Variants in HSPA14 observed in about 807,000 individuals in gnomAD.
HSPA14 encodes the protein heat shock 70 kDa protein 14.
HSPA14 carries 37 observed loss-of-function variants against 65.5 expected under a neutral mutation model. The ratio of observed to expected loss-of-function variants is 0.56; its 90% confidence interval spans 0.43 to 0.74. HSPA14 has a LOEUF of 0.74. Ranked by LOEUF, HSPA14 falls within the 30% of genes least tolerant of loss-of-function variation. The probability of loss-of-function intolerance (pLI) is 0.00; values close to 1 mark genes in which losing one functional copy is unlikely to be tolerated. For missense variants in HSPA14, 564 were observed against 607.6 expected, an observed-to-expected ratio of 0.93 and a Z score of 0.75; for synonymous variants, 203 against 214.2, an observed-to-expected ratio of 0.95 and a Z score of 0.46.
At chr10:14,862,271 G>A (rs1244445253) in intron 10 of HSPA14, among the ~76,000 whole-genome samples, 3 of 151,336 alleles carry the variant, frequency 2.0e-5, no homozygotes, top group East Asian at 2.0e-4. Context: ...CTCGTGATCC[G>A]CCTGCCTCGG....
intron 1 of HSPA14, 50 bp downstream of exon 1, chr10:14,838,509 T>C: frequency 6.5e-7 from 1 of 1,528,100 alleles, no homozygotes. Context: ...CACCCGGTTT[T>C]CTGGCGCTGG....
chr10:14,848,563 A>G, intron 3 of HSPA14, 46 bp from the exon 4 acceptor site: 1 of 1,403,812 alleles, frequency 7.1e-7, no homozygotes, highest in Non-Finnish European at 1.0e-6. Context: ...TATATCTACA[A>G]TACTGATTTT....
At chr10:14,850,933 A>T in intron 6 of HSPA14, 4 of 205,200 alleles carry the variant, frequency 1.9e-5, no homozygotes, top group South Asian at 1.3e-4. Context: ...TTTTTTTTTT[A>T]AACATGGATA....
chr10:14,867,844 G>T lies in HSPA14; in HGVS notation c.1315G>T (p.Val439Leu). ...GCAAGCCCCTGGAAGCATATCTTCA[G>T]TGTGCCTTGAACTCTATGAGTCTGA... ...TLQAPGSISSVCLELYESDGK... is the reference protein window; with the variant it reads ...TLQAPGSISSLCLELYESDGK... Residue 439 changes from valine (V) to leucine (L), a missense_variant, in exon 12 of 14, where the codon GTG becomes TTG. By Grantham distance (32) the Val-to-Leu change is conservative. Coordinates refer to ENST00000378372, the MANE Select transcript of HSPA14 (RefSeq NM_016299.4). The T allele has an allele frequency of 6.2e-7, 1 of 1,614,162 alleles. No homozygotes were observed. Among genetic ancestry groups the T allele is most frequent in the Non-Finnish European group, 8.5e-7 (1 of 1,180,010 alleles).
chr10:14,852,695 A>C (rs1176022163), intron 8 of HSPA14, among the ~76,000 whole-genome samples, 164 bp downstream of exon 8: 2 of 152,198 alleles, frequency 1.3e-5, no homozygotes, highest in African/African-American at 4.8e-5. Context: ...TGTCCTGTCC[A>C]GGCAATTCAA....
At chr10:14,855,755 A>T in intron 9 of HSPA14, 86 bp from the exon 10 acceptor site, 2 of 663,724 alleles carry the variant, frequency 3.0e-6, no homozygotes, top group Non-Finnish European at 5.3e-6. Context: ...AAGAAAAGTG[A>T]TATTTGTTTG....
intron 13 of HSPA14, 115 bp downstream of exon 13, chr10:14,870,782 A>ATTGCTGCAGAAAATCTGTAAGAAAAAAAT: frequency 9.7e-7 from 1 of 1,029,056 alleles, no homozygotes; most frequent in Non-Finnish European, 1.3e-6. Context: ...AAACCTACAG[A>ATTGCTGCAGAAAATCTGTAAGAAAAAAAT]GGTTTTTATC....
At chr10:14,871,466 A>T (rs1832853906) in intron 13 of HSPA14, 62 bp from the exon 14 acceptor site, 1 of 960,500 alleles carries the variant, frequency 1.0e-6, no homozygotes, top group Non-Finnish European at 1.6e-6. Flanking sequence ...GTAACTTGTT[A>T]CAGACTTTAT....
chr10:14,838,594 C>A (rs545895677), intron 1 of HSPA14, 135 bp downstream of exon 1: 7 of 851,260 alleles, frequency 8.2e-6, no homozygotes, highest in Non-Finnish European at 1.2e-5. Flanking sequence ...GAGGACACTC[C>A]GGAGCGAAGG....
intron 3 of HSPA14, chr10:14,843,248 C>A: frequency 8.2e-7 from 1 of 1,216,552 alleles, no homozygotes; most frequent in Non-Finnish European, 1.2e-6. Flanking sequence ...TTCCCAGTCC[C>A]TGGTGGAAAG....
At position 14,840,861 on chromosome 10, in the gene HSPA14, A is replaced by G. The variant is rs115987451; in HGVS notation, c.221+704A>G. ...ATTTAATTCTCTCAACATCCTTGTA[A>G]AATTGGCAACGCAAATACTATCATT... is the stretch of plus-strand genomic sequence containing the variant. On this transcript the variant is annotated intron_variant, in intron 3 of 13. Transcript: ENST00000378372. Among the ~76,000 whole-genome samples the G allele has an allele frequency of 3.2e-3, 481 of 152,306 alleles. 4 individuals carry two copies. Among genetic ancestry groups the G allele is most frequent in the African/African-American group, 0.011 (446 of 41,562 alleles).
intron 9 of HSPA14, 79 bp downstream of exon 9, chr10:14,854,359 T>A: frequency 8.4e-7 from 1 of 1,195,742 alleles, no homozygotes; most frequent in East Asian, 2.4e-5. Flanking sequence ...TACTTTGGGT[T>A]TTTTGTTTGT....
chr10:14,856,873 A>G, intron 10 of HSPA14, among the ~76,000 whole-genome samples: 1 of 152,302 alleles, frequency 6.6e-6, no homozygotes, highest in East Asian at 1.9e-4. Flanking sequence ...ATAAAATAAA[A>G]ATAAAATGTA....
intron 10 of HSPA14, among the ~76,000 whole-genome samples, chr10:14,863,001 C>T (rs140801783): frequency 1.3e-5 from 2 of 151,978 alleles, no homozygotes; most frequent in Admixed American, 1.3e-4. Flanking sequence ...TTTTTAAAGG[C>T]GTTTTAATAT....
chr10:14,851,070 CTA>C, intron 6 of HSPA14, 147 bp from the exon 7 acceptor site: 1 of 578,164 alleles, frequency 1.7e-6, no homozygotes, highest in South Asian at 2.2e-5. Flanking sequence ...TTCTTGTTTT[CTA>C]TATTCTTGCT....
At chr10:14,844,763 C>T in intron 3 of HSPA14, 1 of 982,058 alleles carries the variant, frequency 1.0e-6, no homozygotes, top group Non-Finnish European at 1.2e-6. Context: ...ATTTGGGTCC[C>T]TTTATATGCC....
chr10:14,843,714 G>T, intron 3 of HSPA14: 1 of 1,538,838 alleles, frequency 6.5e-7, no homozygotes. Flanking sequence ...AAGAAAAACT[G>T]GACAGGCTGA....
chr10:14,867,328 T>C (rs962283655), intron 11 of HSPA14, 33 bp downstream of exon 11: 1 of 1,434,150 alleles, frequency 7.0e-7, no homozygotes, highest in Non-Finnish European at 9.8e-7. Flanking sequence ...AGTTAAGGTA[T>C]GTTTAGCTTT....
Position 14,843,870 on chromosome 10 carries a change from G to A in HSPA14, c.221+3713G>A, listed in dbSNP as rs764389887. 3.9e-6 allele frequency: 6 copies of A among 1,536,414 alleles called. 1 individual carries two copies. The South Asian group carries it at 7.1e-5, about 18-fold the overall frequency. On this transcript the variant is annotated intron_variant, in intron 3 of 13. Coordinates refer to ENST00000378372, the MANE Select transcript of HSPA14 (RefSeq NM_016299.4). ...TAGGCCTTGAAAAATTGCTTCAGAG[G>A]TTGATTTCGAATACCAAAAGCTAGG...
Sources: gnomAD v4.1 joint callset for allele counts (sites outside exome capture counted in the v4.1 genomes callset) on GRCh38, gnomAD v4.1.1 for gene constraint, MANE v1.5 for transcripts, NCBI Gene and HGNC (gene_info 2026-07-23, HGNC 2026-07-21) for gene names.